Variants in AMHR2 observed in about 807,000 individuals in gnomAD.
AMHR2 encodes the protein anti-Muellerian hormone type-2 receptor.
In AMHR2, 36 loss-of-function variants were observed where a neutral mutation model predicts 61.4. That is an observed-to-expected ratio of 0.59 (90% CI 0.45 to 0.77). The LOEUF (loss-of-function observed/expected upper bound fraction) is 0.77. AMHR2 is among the 30% of genes least tolerant of loss of function. AMHR2 has a pLI of 0.00. For synonymous variants in AMHR2, 258 were observed against 279.4 expected, an observed-to-expected ratio of 0.92 and a Z score of 0.76; for missense variants, 638 against 714.6, an observed-to-expected ratio of 0.89 and a Z score of 1.22.
chr12:53,429,192 G>A (rs1025996748), intron 7 of AMHR2, among the ~76,000 whole-genome samples, 182 bp downstream of exon 7: 2 of 152,104 alleles, frequency 1.3e-5, no homozygotes, highest in East Asian at 3.9e-4. Flanking sequence ...GGAGATCGAG[G>A]CCATCCTGGC....
At position 53,431,277 on chromosome 12, in the gene AMHR2, C is replaced by T. The variant is rs182994992; in HGVS notation, c.1526C>T (p.Ala509Val). Residue 509 changes from alanine (A) to valine (V), a missense_variant, in exon 11 of 11, where the codon GCC becomes GTC. Ala to Val is a moderately conservative substitution (Grantham distance 64). Transcript: ENST00000257863. ...ECVQQRLAAL[A>V]HPQESHPFPE... ...GTACAGCAGCGCCTGGCTGCCTTGG[C>T]CCATCCTCAAGAGAGCCACCCCTTT... 2 of 1,614,240 alleles carry T rather than the reference C, an allele frequency of 1.2e-6. No homozygotes were observed. Among genetic ancestry groups the T allele is most frequent in the Non-Finnish European group, 1.7e-6 (2 of 1,180,044 alleles).
Position 53,425,205 on chromosome 12 carries a change from C to T in AMHR2, c.465C>T (p.Phe155=). 2.5e-6 allele frequency: 4 copies of T among 1,613,706 alleles called. No individual in the cohort carries two copies. Among genetic ancestry groups the T allele is most frequent in the East Asian group, 2.2e-5 (1 of 44,866 alleles). Residue 155 remains phenylalanine (F), a synonymous_variant, in exon 4 of 11, where the codon TTC becomes TTT. Coordinates refer to ENST00000257863, the MANE Select transcript of AMHR2 (RefSeq NM_020547.3). ...IWMALVLLGL[F]LLLLLLLGSI... ...TGGCACTGGTGCTGCTGGGGCTGTT[C>T]CTCCTCCTCCTGCTGCTGCTGGGCA...
rs1939992513 is a variant in AMHR2, at chr12:53,430,179, A to C, written c.1322A>C (p.Glu441Ala). ...SSPPPFQLAY[E>A]AELGNTPTSD... ...CCACCACCCTTCCAACTGGCCTATG[A>C]GGCAGAACTGGGCAATACCCCTACC... The change falls in exon 10 of 11, where the codon GAG becomes GCG. Residue 441 changes from glutamate (E) to alanine (A), a missense_variant. Physicochemically the swap from Glu to Ala is moderately radical, Grantham distance 107. Transcript: ENST00000257863. 1 of 1,614,142 alleles carries C rather than the reference A, an allele frequency of 6.2e-7. No individual in the cohort carries two copies. Among genetic ancestry groups the C allele is most frequent in the Non-Finnish European group, 8.5e-7 (1 of 1,180,014 alleles).
intron 6 of AMHR2, among the ~76,000 whole-genome samples, chr12:53,428,179 A>G (rs947302913): frequency 6.6e-6 from 1 of 151,896 alleles, no homozygotes; most frequent in Non-Finnish European, 1.5e-5. Context: ...TAATTTTCCT[A>G]TCTTGGGGTT....
chr12:53,425,901 A>G lies in AMHR2; in HGVS notation c.834A>G (p.Val278=). 1 of 1,613,956 alleles carries G rather than the reference A, an allele frequency of 6.2e-7. No homozygotes were observed. Among genetic ancestry groups the G allele is most frequent in the Non-Finnish European group, 8.5e-7 (1 of 1,179,998 alleles). ...GCCTGCTCTCTGGGCCCCTGCTGGT[A>G]CTGGAACTGCATCCCAAGGTGAGCA... ...PGRLLSGPLL[V]LELHPKGSLC... Residue 278 remains valine (V), a synonymous_variant, in exon 6 of 11, where the codon GTA becomes GTG. Coordinates refer to ENST00000257863, the MANE Select transcript of AMHR2 (RefSeq NM_020547.3).
chr12:53,429,869 C>G lies in AMHR2; in HGVS notation c.1179C>G (p.Asp393Glu). 1.2e-6 allele frequency: 2 copies of G among 1,614,200 alleles called. No individual in the cohort carries two copies. Among genetic ancestry groups the G allele is most frequent in the Non-Finnish European group, 1.7e-6 (2 of 1,180,038 alleles). Residue 393 changes from aspartate (D) to glutamate (E), a missense_variant, in exon 9 of 11, where the codon GAC becomes GAG. Coordinates refer to ENST00000257863, the MANE Select transcript of AMHR2 (RefSeq NM_020547.3). ...TQRYMAPELL[D>E]KTLDLQDWGM... ...GGTACATGGCACCAGAGCTCTTGGACAAGACTCTGGACCTACAGGATTGGG... is the reference window on the plus strand; with the variant it reads ...GGTACATGGCACCAGAGCTCTTGGAGAAGACTCTGGACCTACAGGATTGGG...
At position 53,428,933 on chromosome 12, in the gene AMHR2, A is replaced by G. The variant is rs1305399609; in HGVS notation, c.890A>G (p.Asp297Gly). 6.4e-7 allele frequency: 1 copy of G among 1,551,580 alleles called. No homozygotes were observed. Among genetic ancestry groups the G allele is most frequent in the African/African-American group, 1.4e-5 (1 of 73,030 alleles). The part of the protein sequence containing the change: ...LCHYLTQYTS[D>G]WGSSLRMALS... ...CACTACTTGACCCAGTACACCAGTG[A>G]CTGGGGAAGTTCCCTGCGGATGGCA... The change falls in exon 7 of 11, where the codon GAC becomes GGC. Residue 297 changes from aspartate to glycine, a missense_variant. Transcript: ENST00000257863.
At chr12:53,429,346 C>A in intron 7 of AMHR2, 107 bp from the exon 8 acceptor site, 1 of 1,244,016 alleles carries the variant, frequency 8.0e-7, no homozygotes, top group Non-Finnish European at 1.2e-6. Context: ...GAGCCGAGAT[C>A]GCGACACTGC....
Position 53,425,431 on chromosome 12 carries a change from CCCTAAGGCTCT to C in AMHR2, c.503-23_503-13del. 6.2e-7 allele frequency: 1 copy of C among 1,612,606 alleles called. No homozygotes were observed. Among genetic ancestry groups the C allele is most frequent in the African/African-American group, 1.3e-5 (1 of 75,040 alleles). On this transcript the variant is annotated splice_polypyrimidine_tract_variant and intron_variant, in intron 4 of 10. Transcript: ENST00000257863. Reference sequence around the variant, plus strand: ...CTGTCCCTATGCATTTGCACCCTGACCCTAAGGCTCTTGTCTGTTCCAGCCCTGCTACAGCG... The same window carrying C: ...CTGTCCCTATGCATTTGCACCCTGACTGTCTGTTCCAGCCCTGCTACAGCG...
chr12:53,424,172 C>A lies in AMHR2; in HGVS notation c.50-116C>A, dbSNP rs784894. The A allele has an allele frequency of 0.028, 40,441 of 1,453,498 alleles. 8,558 individuals are homozygous for A. In the African/African-American group the frequency reaches 0.48, roughly 17 times the overall value. 90.0% of individuals were successfully genotyped at this position (1,453,498 alleles called of 1,614,324 possible). Reference sequence around the variant, plus strand: ...CTGCTGACCCTGCTTCCTCCTGTGGCTTTACCATACTGACGCTGGGATGTG... The same window carrying A: ...CTGCTGACCCTGCTTCCTCCTGTGGATTTACCATACTGACGCTGGGATGTG... On this transcript the variant is annotated intron_variant, in intron 1 of 10. Transcript: ENST00000257863.
chr12:53,431,194 G>A lies in AMHR2; in HGVS notation c.1443G>A (p.Arg481=), dbSNP rs746674107. The change falls in exon 11 of 11, where the codon AGG becomes AGA. Residue 481 remains arginine (R), a synonymous_variant. Coordinates refer to ENST00000257863, the MANE Select transcript of AMHR2 (RefSeq NM_020547.3). ...CCCCCCAGGACCCTGATGGGCTGAG[G>A]GAGCTCCTAGAAGACTGTTGGGATG... ...RCFATDPDGL[R]ELLEDCWDAD... The A allele has an allele frequency of 2.5e-6, 4 of 1,614,058 alleles. No homozygotes were observed. The highest frequency in any genetic ancestry group is 1.6e-4 in the Middle Eastern group (1 of 6,062).
chr12:53,424,048 G>C, intron 1 of AMHR2, 65 bp downstream of exon 1: 2 of 1,579,988 alleles, frequency 1.3e-6, no homozygotes, highest in Non-Finnish European at 1.7e-6. Flanking sequence ...GGCGCTTGAA[G>C]CAAGAGCCAC....
intron 1 of AMHR2, 103 bp downstream of exon 1, chr12:53,424,086 G>A: frequency 7.1e-7 from 1 of 1,417,602 alleles, no homozygotes; most frequent in African/African-American, 1.4e-5. Context: ...GAGTGGGCTG[G>A]GTGAGTAAGG....
In AMHR2 at chr12:53,423,856, T is replaced by C; in HGVS notation, c.-79T>C. 6.6e-7 allele frequency: 1 copy of C among 1,503,934 alleles called. No homozygotes were observed. The highest frequency in any genetic ancestry group is 9.2e-7 in the Non-Finnish European group (1 of 1,082,386). 93.2% of individuals were successfully genotyped at this position (1,503,934 alleles called of 1,614,324 possible). On this transcript the variant is annotated 5_prime_UTR_variant, in exon 1 of 11. Transcript: ENST00000257863. Reference sequence around the variant, plus strand: ...GGATCAGAAGCCCCAGGATGCCCTGTATCTGAAGAAAGATTTGGCCAGGGG... The same window carrying C: ...GGATCAGAAGCCCCAGGATGCCCTGCATCTGAAGAAAGATTTGGCCAGGGG...
chr12:53,427,758 A>G (rs10876454), intron 6 of AMHR2, among the ~76,000 whole-genome samples: 25,004 of 152,150 alleles, frequency 0.16, 2,139 homozygotes, highest in Admixed American at 0.2. Context: ...ACATTATGAG[A>G]TAGGAATGAT....
At chr12:53,430,564 T>C (rs987039453) in intron 10 of AMHR2, 6 of 525,358 alleles carry the variant, frequency 1.1e-5, no homozygotes, top group African/African-American at 7.6e-5. Context: ...GTTAGCCCTG[T>C]TCCTCAGTCC....
Position 53,425,886 on chromosome 12 carries a change from T to C in AMHR2, c.819T>C (p.Ser273=). 4 of 1,614,068 alleles carry C rather than the reference T, an allele frequency of 2.5e-6. No homozygotes were observed. Among genetic ancestry groups the C allele is most frequent in the Non-Finnish European group, 3.4e-6 (4 of 1,180,006 alleles). Residue 273 remains serine (S), a synonymous_variant, in exon 6 of 11, where the codon TCT becomes TCC. Coordinates refer to ENST00000257863, the MANE Select transcript of AMHR2 (RefSeq NM_020547.3). ...GGGGGGGTCCTGGCCGCCTGCTCTC[T>C]GGGCCCCTGCTGGTACTGGAACTGC... ...ASRGGPGRLL[S]GPLLVLELHP... is the part of the protein sequence containing the mutation.
chr12:53,425,940 A>ATG (rs139495947), intron 6 of AMHR2, 21 bp downstream of exon 6: 199 of 1,598,134 alleles, frequency 1.2e-4, no homozygotes, highest in Non-Finnish European at 1.5e-4. Context: ...AGGAGTGTAT[A>ATG]TGTGTGTGTG....
intron 6 of AMHR2, among the ~76,000 whole-genome samples, chr12:53,427,119 C>T (rs555694902): frequency 1.6e-4 from 24 of 152,284 alleles, no homozygotes; most frequent in Non-Finnish European, 3.1e-4. Context: ...CACAGTCCCT[C>T]TTTTACAGAT....
Sources: allele counts gnomAD v4.1 joint callset (sites outside exome capture counted in the v4.1 genomes callset), GRCh38; gene constraint gnomAD v4.1.1; transcripts MANE v1.5; gene names NCBI Gene and HGNC (gene_info 2026-07-23, HGNC 2026-07-21).